The following INPP4A variants were observed in gnomAD, a reference collection of about 807,000 sequenced individuals.
INPP4A encodes the protein inositol polyphosphate-4-phosphatase type I A, also known as inositol polyphosphate-4-phosphatase, type I, 107kD.
In INPP4A, 33 loss-of-function variants were observed where a neutral mutation model predicts 119.8. The ratio of observed to expected loss-of-function variants is 0.28; its 90% confidence interval spans 0.21 to 0.37. INPP4A has a LOEUF of 0.37. Among genes scored for constraint, INPP4A ranks in the 10% least tolerant of loss-of-function variants. The probability of loss-of-function intolerance (pLI) is 1.00; values close to 1 mark genes in which losing one functional copy is unlikely to be tolerated. For missense variants in INPP4A, 956 were observed against 1,289.9 expected, an observed-to-expected ratio of 0.74 and a Z score of 3.97; for synonymous variants, 496 against 500.7, an observed-to-expected ratio of 0.99 and a Z score of 0.12.
chr2:98,563,517 G>A lies in INPP4A; in HGVS notation c.1908G>A (p.Val636=), dbSNP rs1215376569. Residue 636 remains valine, a synonymous_variant, in exon 18 of 25, where the codon GTG becomes GTA. Transcript: ENST00000409851. ...TGCTGACCACTCTCACCGACTGCGT[G>A]GCCATGATGAGTGACAAGGCCAAGA... ...YPLLTTLTDC[V]AMMSDKAKKA... 2.5e-6 allele frequency: 4 copies of A among 1,613,850 alleles called. No homozygotes were observed. In the Admixed American group the frequency reaches 6.7e-5, roughly 27 times the overall value.
chr2:98,581,617 G>A, intron 24 of INPP4A: 1 of 1,565,858 alleles, frequency 6.4e-7, no homozygotes, highest in Non-Finnish European at 8.7e-7. Context: ...AACTTGAGCG[G>A]CCTGGTGCCC....
chr2:98,530,992 C>T (rs1257265115), intron 4 of INPP4A, among the ~76,000 whole-genome samples: 2 of 152,222 alleles, frequency 1.3e-5, no homozygotes, highest in African/African-American at 4.8e-5. Context: ...TGGACGTCGT[C>T]TTGTTGTGTT....
chr2:98,481,955 T>C (rs1678557549), intron 1 of INPP4A, among the ~76,000 whole-genome samples: 1 of 152,194 alleles, frequency 6.6e-6, no homozygotes, highest in Admixed American at 6.5e-5. Context: ...TTTGATGTCT[T>C]GTCCTGGCTT....
In INPP4A at chr2:98,533,673, G is replaced by A. The variant is rs539158816; in HGVS notation, c.270+178G>A. 3.9e-5 allele frequency among the ~76,000 whole-genome samples: 6 copies of A among 152,266 alleles called. No homozygotes were observed. The South Asian group carries it at 8.3e-4, about 21-fold the overall frequency. On this transcript the variant is annotated intron_variant, in intron 5 of 24. Transcript: ENST00000409851. ...TTCATCACATTTACTCATCTGGGTG[G>A]CATTTATATTGCCATATCCTTTACA...
Position 98,587,716 on chromosome 2 carries a change from G to GT in INPP4A, c.*115dup, listed in dbSNP as rs200183771. 3.5e-3 allele frequency: 3,414 copies of GT among 983,380 alleles called. 96 individuals carry two copies. The African/African-American group carries it at 0.051, about 15-fold the overall frequency. The allele number at this position is 983,380 out of a possible 1,614,324, so 60.9% of individuals were successfully genotyped here. On this transcript the variant is annotated 3_prime_UTR_variant, in exon 25 of 25. Coordinates refer to ENST00000409851, the MANE Select transcript of INPP4A (RefSeq NM_001134225.2). ...GAAGGATTGGTTTTTATTTTTTGTG[G>GT]TTTTTTTAAAAAAAACATTTCACTA... is the stretch of plus-strand genomic sequence containing the variant.
intron 1 of INPP4A, among the ~76,000 whole-genome samples, chr2:98,455,743 C>G (rs1696034105): frequency 6.6e-6 from 1 of 152,206 alleles, no homozygotes; most frequent in Non-Finnish European, 1.5e-5. Flanking sequence ...GGAAGTTGTT[C>G]TTTGGTCTGT....
At chr2:98,580,841 A>G (rs1338695220) in intron 24 of INPP4A, among the ~76,000 whole-genome samples, 1 of 152,230 alleles carries the variant, frequency 6.6e-6, no homozygotes, top group African/African-American at 2.4e-5. Flanking sequence ...TCTAGGTACC[A>G]TCTCACCTCA....
chr2:98,491,934 G>A (rs1021644711), intron 1 of INPP4A, among the ~76,000 whole-genome samples: 6 of 151,974 alleles, frequency 3.9e-5, no homozygotes, highest in Non-Finnish European at 8.8e-5. Flanking sequence ...CTGTCACCTG[G>A]GCTAGAGTAC....
chr2:98,572,124 C>T (rs745767514), intron 22 of INPP4A: 2 of 152,348 alleles, frequency 1.3e-5, no homozygotes, highest in African/African-American at 2.4e-5. Context: ...CCTTGAGGCT[C>T]TTCTCTTTGT....
chr2:98,536,394 T>C (rs1690271117), intron 7 of INPP4A, among the ~76,000 whole-genome samples, 186 bp downstream of exon 7: 2 of 152,246 alleles, frequency 1.3e-5, no homozygotes, highest in East Asian at 1.9e-4. Flanking sequence ...ATGGAAACTT[T>C]TAGCATCCAT....
Position 98,459,357 on chromosome 2 carries a change from T to G in INPP4A, c.-166+14272T>G, listed in dbSNP as rs571259426. On this transcript the variant is annotated intron_variant, in intron 1 of 24. Coordinates refer to ENST00000409851, the MANE Select transcript of INPP4A (RefSeq NM_001134225.2). ...TAGGAGGAAGGGGGTCGCTGCTGAG[T>G]AGCCAAAAGGAAAAACAACATGAAA... Among the ~76,000 whole-genome samples the G allele has an allele frequency of 1.1e-3, 171 of 152,164 alleles. 1 individual carries two copies. The highest frequency in any genetic ancestry group is 4.0e-3 in the African/African-American group (164 of 41,510).
intron 24 of INPP4A, 29 bp downstream of exon 24, chr2:98,577,172 C>T (rs773291996): frequency 2.5e-5 from 39 of 1,555,968 alleles, no homozygotes; most frequent in Admixed American, 7.6e-5. Context: ...CCGCGCGCCC[C>T]GCCTGCCCCG....
At chr2:98,472,302 C>T (rs145025637) in intron 1 of INPP4A, among the ~76,000 whole-genome samples, 57 of 152,324 alleles carry the variant, frequency 3.7e-4, no homozygotes, top group Non-Finnish European at 7.5e-4. Context: ...TGGGAGTTCC[C>T]TCAGAGAGTG....
intron 13 of INPP4A, chr2:98,548,880 TTTAA>T: frequency 7.1e-7 from 1 of 1,415,390 alleles, no homozygotes; most frequent in Admixed American, 2.1e-5. Flanking sequence ...AAGTTGGCTT[TTTAA>T]TTTTTTGTTT....
At position 98,539,680 on chromosome 2, in the gene INPP4A, G is replaced by C; in HGVS notation, c.818+5G>C. On this transcript the variant is annotated splice_donor_5th_base_variant and intron_variant, in intron 10 of 24. Transcript: ENST00000409851. The stretch of plus-strand genomic sequence containing the variant: ...ACTAGAGGAAGATGCAGCCAGGTGA[G>C]GCCACATGGAAGGACTGACTGTCCA... 1 of 1,604,692 alleles carries C rather than the reference G, an allele frequency of 6.2e-7. No individual in the cohort carries two copies. Among genetic ancestry groups the C allele is most frequent in the Non-Finnish European group, 8.5e-7 (1 of 1,176,108 alleles).
At chr2:98,514,397 C>T (rs996756253) in intron 1 of INPP4A, among the ~76,000 whole-genome samples, 16 of 152,076 alleles carry the variant, frequency 1.1e-4, no homozygotes, top group Non-Finnish European at 2.1e-4. Context: ...ATCTCTGGAG[C>T]GGTAAGAGTA....
chr2:98,568,813 CAGAG>C (rs150453354), intron 22 of INPP4A, 145 bp downstream of exon 22: 126 of 603,752 alleles, frequency 2.1e-4, no homozygotes, highest in Middle Eastern at 3.8e-4. Context: ...CACACACACG[CAGAG>C]AGAGAGAGAG....
intron 7 of INPP4A, among the ~76,000 whole-genome samples, chr2:98,537,310 C>T (rs751888069): frequency 7.2e-5 from 11 of 152,200 alleles, no homozygotes; most frequent in Non-Finnish European, 1.2e-4. Context: ...AGCCACCCTT[C>T]GGGATGTCAG....
rs955755202 is a variant in INPP4A, at chr2:98,554,590, A to T, written c.1566+101A>T. 1 of 978,438 alleles carries T rather than the reference A, an allele frequency of 1.0e-6. No homozygotes were observed. The highest frequency in any genetic ancestry group is 2.6e-5 in the East Asian group (1 of 38,110). The allele number at this position is 978,438 out of a possible 1,614,324, so 60.6% of individuals were successfully genotyped here. A position where few individuals can be genotyped will look rare whatever the true frequency, so the allele number is the denominator to read the frequency against. On this transcript the variant is annotated intron_variant, in intron 15 of 24. Coordinates refer to ENST00000409851, the MANE Select transcript of INPP4A (RefSeq NM_001134225.2). The surrounding 1 kb of genome is among the most constrained non-coding windows in gnomAD (Gnocchi z 4.7). Reference sequence around the variant, plus strand: ...CCCCTCTGAAGTGCCTCAAGGTTCAACTGCTGTGAACAAGCTCCAGGTTTC... The same window carrying T: ...CCCCTCTGAAGTGCCTCAAGGTTCATCTGCTGTGAACAAGCTCCAGGTTTC...
Sources: allele counts gnomAD v4.1 joint callset (sites outside exome capture counted in the v4.1 genomes callset), GRCh38; gene constraint gnomAD v4.1.1; non-coding constraint Gnocchi (gnomAD v3.1); transcripts MANE v1.5; gene names NCBI Gene and HGNC (gene_info 2026-07-23, HGNC 2026-07-21).